OR51B5: variants seen among roughly 807,000 people sequenced by gnomAD.
The protein encoded by OR51B5 is olfactory receptor family 51 subfamily B member 5, also known as olfactory receptor 51B5.
For missense variants in OR51B5, 456 were observed against 374.6 expected (o/e 1.22, Z -1.79); for synonymous variants, 186 against 144.8 (o/e 1.28, Z -2.04).
chr11:5,384,182 T>G (rs906327958), intron 1 of OR51B5, among the ~76,000 whole-genome samples: 5 of 152,198 alleles, frequency 3.3e-5, no homozygotes, highest in South Asian at 2.1e-4. Context: ...TTTCTTTGTT[T>G]GTTGTTTTTA....
At chr11:5,359,284 C>T (rs1015949076) in intron 1 of OR51B5, among the ~76,000 whole-genome samples, 3 of 149,156 alleles carry the variant, frequency 2.0e-5, no homozygotes, top group African/African-American at 7.4e-5. Context: ...TGATAGGCAA[C>T]TTCAGCAAAG....
intron 1 of OR51B5, chr11:5,422,023 G>C (rs1850346950): frequency 1.8e-6 from 1 of 570,714 alleles, no homozygotes; most frequent in Non-Finnish European, 3.1e-6. Flanking sequence ...TGCAGAATTG[G>C]GCTAAGGAAA....
intron 1 of OR51B5, among the ~76,000 whole-genome samples, chr11:5,363,830 A>G (rs1360745293): frequency 6.6e-6 from 1 of 152,216 alleles, no homozygotes. Flanking sequence ...TACAATAGAA[A>G]GCAATTACCA....
rs548322039 is a variant in OR51B5 at position 5,350,910 on chromosome 11, C to T, written n.85-4000G>A. ...TGGAGCTTCATCAATTGAATTTTCC[C>T]TCCAGGAATATTGAAGAAAAGTCAA... On this transcript the variant is annotated intron_variant and non_coding_transcript_variant, in intron 1 of 4. Transcript: ENST00000415970. Among the ~76,000 whole-genome samples the T allele has an allele frequency of 7.2e-5, 11 of 152,280 alleles. No individual in the cohort carries two copies. The South Asian group carries it at 2.1e-3, about 29-fold the overall frequency.
chr11:5,365,605 T>A (rs763109932), intron 1 of OR51B5, among the ~76,000 whole-genome samples: 1 of 152,220 alleles, frequency 6.6e-6, no homozygotes. Flanking sequence ...CGGTTTGCCA[T>A]GACAGGGCTC....
chr11:5,343,729 T>C (rs949529659), upstream of OR51B5: 5 of 445,742 alleles, frequency 1.1e-5, no homozygotes, highest in Non-Finnish European at 1.6e-5. Flanking sequence ...TTCCAGGATC[T>C]ATCTCCTACC....
intron 1 of OR51B5, among the ~76,000 whole-genome samples, chr11:5,371,097 C>T (rs533886945): frequency 6.6e-6 from 1 of 152,300 alleles, no homozygotes; most frequent in East Asian, 1.9e-4. Flanking sequence ...CTTCTGCTAG[C>T]CCTAGCTATG....
rs374970982 is a variant in OR51B5, at chr11:5,423,554, T to C, written n.85-76644A>G. Reference sequence around the variant, plus strand: ...TCTTAGGCAGTTCCATTTAGGCATTTAGGTAAACATTAGATCTTCTGTTCT... The same window carrying C: ...TCTTAGGCAGTTCCATTTAGGCATTCAGGTAAACATTAGATCTTCTGTTCT... On this transcript the variant is annotated intron_variant and non_coding_transcript_variant, in intron 1 of 4. Transcript: ENST00000415970. Among the ~76,000 whole-genome samples the C allele has an allele frequency of 9.3e-4, 141 of 152,224 alleles. 1 individual carries two copies. Among genetic ancestry groups the C allele is most frequent in the African/African-American group, 3.1e-3 (129 of 41,462 alleles).
At chr11:5,422,604 C>T in intron 1 of OR51B5, 1 of 1,614,136 alleles carries the variant, frequency 6.2e-7, no homozygotes, top group Non-Finnish European at 8.5e-7. Context: ...CTCCATTATG[C>T]CTCCATCCTC....
chr11:5,364,157 C>T lies in OR51B5; in HGVS notation n.85-17247G>A, dbSNP rs115237031. Among the ~76,000 whole-genome samples the T allele has an allele frequency of 8.8e-3, 1,336 of 152,200 alleles. 21 individuals are homozygous for T. The highest frequency in any genetic ancestry group is 0.031 in the African/African-American group (1,271 of 41,508). ...AAGAAAGAGTAAAATTTTCAGGGTTCAACAAGCGACCACCTAAGGGCAAAA... is the reference window on the plus strand; with the variant it reads ...AAGAAAGAGTAAAATTTTCAGGGTTTAACAAGCGACCACCTAAGGGCAAAA... On this transcript the variant is annotated intron_variant and non_coding_transcript_variant, in intron 1 of 4. Coordinates refer to the OR51B5 transcript ENST00000415970.
chr11:5,483,667 A>C (rs1851459687), intron 1 of OR51B5, among the ~76,000 whole-genome samples: 1 of 150,552 alleles, frequency 6.6e-6, no homozygotes, highest in African/African-American at 2.4e-5. Context: ...ACTCACTGGA[A>C]AATTTCCCTT....
rs367846804 is a variant in OR51B5 at position 5,387,356 on chromosome 11, G to C, written n.85-40446C>G. The stretch of plus-strand genomic sequence containing the variant: ...CCCTAGAAGTCACTGGTGAATTTAA[G>C]GAGCATTGCTTTAGCTAAGTGGGTT... On this transcript the variant is annotated intron_variant and non_coding_transcript_variant, in intron 1 of 4. Coordinates refer to the OR51B5 transcript ENST00000415970. 1.6e-4 allele frequency among the ~76,000 whole-genome samples: 25 copies of C among 152,212 alleles called. 1 individual carries two copies. The South Asian group carries it at 3.1e-3, about 19-fold the overall frequency.
rs144988492 is a variant in OR51B5, at chr11:5,454,390, G to A, written n.84+51179C>T. ...AGCGCCAAGACAAAGGAAATCCGCC[G>A]AGCCATTTTCCGCATGTTTCACCAC... is the stretch of plus-strand genomic sequence containing the variant. On this transcript the variant is annotated intron_variant and non_coding_transcript_variant, in intron 1 of 4. Coordinates refer to the OR51B5 transcript ENST00000415970. The A allele has an allele frequency of 2.7e-5, 44 of 1,610,112 alleles. No homozygotes were observed. The highest frequency in any genetic ancestry group is 1.2e-4 in the South Asian group (11 of 90,916).
chr11:5,422,397 C>G, intron 1 of OR51B5: 1 of 1,614,150 alleles, frequency 6.2e-7, no homozygotes, highest in Non-Finnish European at 8.5e-7. Flanking sequence ...CTGTTTCTCT[C>G]CATGCTGGCC....
At position 5,390,118 on chromosome 11, in the gene OR51B5, G is replaced by A. The variant is rs1399716877; in HGVS notation, n.85-43208C>T. ...TCATCCTGCACACAGTAGCAGGCCT[G>A]GCCTCCCAAGAGGAGCAGCGCCGTG... On this transcript the variant is annotated intron_variant and non_coding_transcript_variant, in intron 1 of 4. Coordinates refer to the OR51B5 transcript ENST00000415970. 5 of 1,613,702 alleles carry A rather than the reference G, an allele frequency of 3.1e-6. No individual in the cohort carries two copies. The South Asian group carries it at 5.5e-5, about 18-fold the overall frequency.
chr11:5,364,401 T>C (rs1198285573), intron 1 of OR51B5, among the ~76,000 whole-genome samples: 1 of 152,084 alleles, frequency 6.6e-6, no homozygotes, highest in Non-Finnish European at 1.5e-5. Flanking sequence ...AGGAGCTATG[T>C]GATGTGTCAT....
At position 5,425,476 on chromosome 11, in the gene OR51B5, T is replaced by C. The variant is rs1036070573; in HGVS notation, n.85-78566A>G. 2.6e-5 allele frequency among the ~76,000 whole-genome samples: 4 copies of C among 152,232 alleles called. No individual in the cohort carries two copies. The South Asian group carries it at 8.3e-4, about 31-fold the overall frequency. ...ATTATTTGTTGTTCTCCCTTTTCTG[T>C]TTCCTTTCTTGAGATAAACTGTTTA... is the stretch of plus-strand genomic sequence containing the variant. On this transcript the variant is annotated intron_variant and non_coding_transcript_variant, in intron 1 of 4. Transcript: ENST00000415970.
At chr11:5,430,806 A>G (rs146166064) in intron 1 of OR51B5, 151 of 457,428 alleles carry the variant, frequency 3.3e-4, no homozygotes, top group African/African-American at 2.4e-3. Flanking sequence ...CATGTTTGGC[A>G]GCACGATGCA....
intron 1 of OR51B5, among the ~76,000 whole-genome samples, chr11:5,394,626 C>T (rs1283869981): frequency 6.6e-6 from 1 of 152,116 alleles, no homozygotes; most frequent in Non-Finnish European, 1.5e-5. Context: ...TTATGTTTTG[C>T]TTTGTGACAA....
Sources: gnomAD v4.1 joint callset for allele counts (sites outside exome capture counted in the v4.1 genomes callset) on GRCh38, gnomAD v4.1.1 for gene constraint, MANE v1.5 for transcripts, NCBI Gene and HGNC (gene_info 2026-07-23, HGNC 2026-07-21) for gene names.